The following RBFOX2 variants were observed in gnomAD, a reference collection of about 807,000 sequenced individuals.
RBFOX2 encodes the protein RNA binding fox-1 homolog 2.
RBFOX2 carries 10 observed loss-of-function variants against 49.1 expected under a neutral mutation model. That is an observed-to-expected ratio of 0.20 (90% CI 0.13 to 0.35). The LOEUF (loss-of-function observed/expected upper bound fraction) is 0.35, where lower values mean the gene tolerates loss of function less well. Ranked by LOEUF, RBFOX2 falls within the 10% of genes least tolerant of loss-of-function variation. The pLI is 1.00. For synonymous variants in RBFOX2, 183 were observed against 187.4 expected, an observed-to-expected ratio of 0.98 and a Z score of 0.19; for missense variants, 323 against 486.9, an observed-to-expected ratio of 0.66 and a Z score of 3.17.
At chr22:35,894,836 G>A (rs915557101) in intron 1 of RBFOX2, among the ~76,000 whole-genome samples, 5 of 151,824 alleles carry the variant, frequency 3.3e-5, no homozygotes, top group Non-Finnish European at 5.9e-5. Context: ...ATGTCAGATC[G>A]GGCTGCTCAA....
exon 12 of RBFOX2, chr22:35,741,960 T>C (rs1266462368): frequency 1.3e-5 from 2 of 152,376 alleles, no homozygotes; most frequent in African/African-American, 4.8e-5. Flanking sequence ...ATGGCCCCTT[T>C]GTGATCATGA....
intron 1 of RBFOX2, among the ~76,000 whole-genome samples, chr22:36,013,560 T>G (rs2146408039): frequency 6.6e-6 from 1 of 152,270 alleles, no homozygotes; most frequent in Non-Finnish European, 1.5e-5. Context: ...AAGGTTTGTC[T>G]GTCTGCAAGG....
chr22:35,757,273 G>T (rs1355067639), intron 9 of RBFOX2, among the ~76,000 whole-genome samples: 1 of 149,090 alleles, frequency 6.7e-6, no homozygotes, highest in Non-Finnish European at 1.5e-5. Flanking sequence ...CTTAAGTATA[G>T]ATTTCCAACC....
chr22:35,944,116 G>A (rs2054005087), intron 1 of RBFOX2, among the ~76,000 whole-genome samples: 1 of 152,198 alleles, frequency 6.6e-6, no homozygotes, highest in African/African-American at 2.4e-5. Context: ...GAAACATAGT[G>A]CTGGTATTCT....
intron 9 of RBFOX2, among the ~76,000 whole-genome samples, chr22:35,750,145 G>A (rs1934361253): frequency 6.6e-6 from 1 of 152,006 alleles, no homozygotes; most frequent in African/African-American, 2.4e-5. Context: ...CCTAGCCCTG[G>A]CCCACACCAC....
At chr22:35,752,495 T>C (rs1432618622) in intron 9 of RBFOX2, 3 of 473,112 alleles carry the variant, frequency 6.3e-6, no homozygotes, top group Non-Finnish European at 8.3e-6. Context: ...CAAGTCTTGA[T>C]TGTCCAAAAA....
At chr22:35,954,266 A>C (rs1411447983) in intron 1 of RBFOX2, among the ~76,000 whole-genome samples, 2 of 152,228 alleles carry the variant, frequency 1.3e-5, no homozygotes, top group Non-Finnish European at 2.9e-5. Flanking sequence ...GATAATAACA[A>C]CACCTACCTC....
chr22:35,855,887 G>C (rs940164573), intron 1 of RBFOX2, among the ~76,000 whole-genome samples: 14 of 152,126 alleles, frequency 9.2e-5, no homozygotes, highest in Admixed American at 1.3e-4. Flanking sequence ...CATGCCTGTA[G>C]TCCCAGGTAC....
chr22:36,017,756 T>G (rs1165962429), intron 1 of RBFOX2, among the ~76,000 whole-genome samples: 1 of 152,190 alleles, frequency 6.6e-6, no homozygotes, highest in Non-Finnish European at 1.5e-5. Context: ...CTCTCACTTG[T>G]GTGGTTCCTC....
intron 1 of RBFOX2, among the ~76,000 whole-genome samples, chr22:35,883,424 A>G (rs542578109): frequency 1.4e-4 from 22 of 152,230 alleles, no homozygotes; most frequent in Non-Finnish European, 2.8e-4. Context: ...GTGACTGAAG[A>G]GGATGCTAAG....
At chr22:35,761,791 G>A (rs924107980) in intron 6 of RBFOX2, among the ~76,000 whole-genome samples, 2 of 152,080 alleles carry the variant, frequency 1.3e-5, no homozygotes, top group Admixed American at 6.5e-5. Flanking sequence ...AATTACCCTG[G>A]ATGACCTATC....
intron 2 of RBFOX2, among the ~76,000 whole-genome samples, chr22:35,802,528 T>C (rs1197336679): frequency 1.3e-5 from 2 of 152,180 alleles, no homozygotes; most frequent in Non-Finnish European, 2.9e-5. Flanking sequence ...CCTTAAAACT[T>C]AGTTTTATCA....
exon 2 of RBFOX2, chr22:35,809,831 G>A (rs1428614605): frequency 1.2e-6 from 2 of 1,613,940 alleles, no homozygotes; most frequent in African/African-American, 2.7e-5. Context: ...GCTCCCCGTG[G>A]GCTTGCGTAC....
At chr22:35,860,668 G>GCCAAAT (rs2043001267) in intron 1 of RBFOX2, among the ~76,000 whole-genome samples, 1 of 152,126 alleles carries the variant, frequency 6.6e-6, no homozygotes, top group South Asian at 2.1e-4. Context: ...GGCTATTCTA[G>GCCAAAT]GTCTTTGGCA....
intron 1 of RBFOX2, among the ~76,000 whole-genome samples, chr22:35,829,189 A>T (rs896494507): frequency 1.1e-4 from 17 of 152,240 alleles, no homozygotes; most frequent in African/African-American, 4.1e-4. Flanking sequence ...ACCCAACAAG[A>T]TAAAATTCAC....
intron 1 of RBFOX2, among the ~76,000 whole-genome samples, chr22:36,017,531 AAAAAAATAAAAAAT>A (rs888784176): frequency 1.3e-5 from 2 of 152,138 alleles, no homozygotes; most frequent in African/African-American, 4.8e-5. Context: ...CTCGGTCTCA[AAAAAAATAAAAAAT>A]AAAAAATAAA....
chr22:35,901,978 G>A (rs943573166), intron 1 of RBFOX2, among the ~76,000 whole-genome samples: 19 of 151,988 alleles, frequency 1.3e-4, no homozygotes, highest in African/African-American at 3.6e-4. Context: ...TACTCAGGAG[G>A]CTGAGGCAGG....
intron 4 of RBFOX2, among the ~76,000 whole-genome samples, chr22:35,769,850 T>C (rs911768277): frequency 5.9e-5 from 9 of 152,300 alleles, no homozygotes; most frequent in African/African-American, 2.2e-4. Context: ...TAAGTGATTA[T>C]GTGGGTGGGT....
intron 1 of RBFOX2, among the ~76,000 whole-genome samples, chr22:35,875,806 A>T (rs1432320983): frequency 6.6e-6 from 1 of 152,068 alleles, no homozygotes; most frequent in East Asian, 1.9e-4. Flanking sequence ...TCACATATTA[A>T]ACTTTACATT....
Sources: allele counts gnomAD v4.1 joint callset (sites outside exome capture counted in the v4.1 genomes callset), GRCh38; gene constraint gnomAD v4.1.1; transcripts MANE v1.5; gene names NCBI Gene and HGNC (gene_info 2026-07-23, HGNC 2026-07-21).